PPP2R2B: variants seen among roughly 807,000 people sequenced by gnomAD.
The protein encoded by PPP2R2B is protein phosphatase 2 regulatory subunit Bbeta, also known as serine/threonine-protein phosphatase 2A 55 kDa regulatory subunit B beta isoform.
In PPP2R2B, 5 loss-of-function variants were observed where a neutral mutation model predicts 46.0. The ratio of observed to expected loss-of-function variants is 0.11; its 90% CI spans 0.06 to 0.23. The LOEUF (loss-of-function observed/expected upper bound fraction) is 0.23. PPP2R2B is among the 10% of genes least tolerant of loss of function. PPP2R2B has a pLI of 1.00. For missense variants in PPP2R2B, 367 were observed against 575.0 expected (o/e 0.64, Z 3.70); for synonymous variants, 215 against 206.7 (o/e 1.04, Z -0.34).
At chr5:146,790,794 G>A (rs1361888611) in intron 2 of PPP2R2B, among the ~76,000 whole-genome samples, 2 of 152,158 alleles carry the variant, frequency 1.3e-5, no homozygotes, top group Non-Finnish European at 1.5e-5. Context: ...ATTATATTAT[G>A]ATTGTCCACA....
At chr5:146,717,793 A>C (rs114372593) in intron 2 of PPP2R2B, among the ~76,000 whole-genome samples, 1,942 of 152,030 alleles carry the variant, frequency 0.013, 46 homozygotes, top group African/African-American at 0.045. Context: ...GGATCTCATA[A>C]ATTTCCTGCT....
intron 2 of PPP2R2B, among the ~76,000 whole-genome samples, chr5:146,785,250 C>A (rs1755763584): frequency 6.6e-6 from 1 of 151,964 alleles, no homozygotes; most frequent in African/African-American, 2.4e-5. Flanking sequence ...AGTGGGAAGT[C>A]AAGATAAAAT....
At position 146,983,176 on chromosome 5, in the gene PPP2R2B, ATTTTTTTT is replaced by A. The variant is rs745692719; in HGVS notation, c.79+72481_79+72488del. On this transcript the variant is annotated intron_variant, in intron 1 of 8. Transcript: ENST00000336640. ...GTTTATCTATCGTGTTTTCCAGAGC[ATTTTTTTT>A]TTTTTTTTTTTTTTGAGACGGAGTC... 4.9e-5 allele frequency among the ~76,000 whole-genome samples: 4 copies of A among 80,856 alleles called. No individual in the cohort carries two copies. In the Admixed American group the frequency reaches 8.0e-4, roughly 16 times the overall value. 53.0% of individuals were successfully genotyped at this position (80,856 alleles called of 152,430 possible). A position where few individuals can be genotyped will look rare whatever the true frequency, so the allele number is the denominator to read the frequency against.
intron 2 of PPP2R2B, among the ~76,000 whole-genome samples, chr5:147,067,352 T>C (rs570910324): frequency 1.0e-3 from 154 of 152,266 alleles, no homozygotes; most frequent in African/African-American, 3.6e-3. Flanking sequence ...ATCAGTCTAC[T>C]CTCTGGTTCT....
At chr5:146,624,748 C>T (rs927760110) in intron 7 of PPP2R2B, among the ~76,000 whole-genome samples, 8 of 152,214 alleles carry the variant, frequency 5.3e-5, no homozygotes, top group African/African-American at 1.9e-4. Flanking sequence ...GTCCTTTGCA[C>T]AGAAGACAAT....
chr5:146,687,721 G>C (rs1246052463), intron 5 of PPP2R2B, among the ~76,000 whole-genome samples: 2 of 152,158 alleles, frequency 1.3e-5, no homozygotes, highest in Non-Finnish European at 2.9e-5. Context: ...TTGGTAATGA[G>C]ATTGATTTTG....
chr5:146,871,395 G>T (rs1761608502), intron 2 of PPP2R2B, among the ~76,000 whole-genome samples: 1 of 152,238 alleles, frequency 6.6e-6, no homozygotes, highest in Non-Finnish European at 1.5e-5. Flanking sequence ...TCTGGGAGCT[G>T]CATGCTTACT....
intron 1 of PPP2R2B, among the ~76,000 whole-genome samples, chr5:146,908,862 C>T (rs537918241): frequency 1.9e-4 from 29 of 151,900 alleles, no homozygotes; most frequent in Admixed American, 9.2e-4. Flanking sequence ...AGTGCAGTGC[C>T]GTGATCACGG....
chr5:146,589,844 G>A lies in PPP2R2B; in HGVS notation c.*103C>T, dbSNP rs893199098. On this transcript the variant is annotated 3_prime_UTR_variant, in exon 10 of 10. Transcript: ENST00000394411. The stretch of plus-strand genomic sequence containing the variant: ...TTCTATTCCAATCATTTCCTGTATA[G>A]GGAAATTAAAGTCAATGCATCAAAT... 4.3e-6 allele frequency: 5 copies of A among 1,150,634 alleles called. No homozygotes were observed. The Admixed American group carries it at 9.9e-5, about 23-fold the overall frequency. 71.3% of individuals were successfully genotyped at this position (1,150,634 alleles called of 1,614,324 possible).
At chr5:146,963,947 C>A (rs1453366758) in intron 1 of PPP2R2B, among the ~76,000 whole-genome samples, 5 of 152,192 alleles carry the variant, frequency 3.3e-5, no homozygotes, top group Non-Finnish European at 7.3e-5. Context: ...AAGGTTCTTA[C>A]AAAGACAGCT....
chr5:147,014,471 G>C (rs1754898601), intron 1 of PPP2R2B, among the ~76,000 whole-genome samples: 1 of 151,960 alleles, frequency 6.6e-6, no homozygotes, highest in Non-Finnish European at 1.5e-5. Context: ...CAATAGCAAA[G>C]ACTTGGAACC....
intron 2 of PPP2R2B, among the ~76,000 whole-genome samples, chr5:146,787,005 A>T (rs950360333): frequency 6.6e-6 from 1 of 152,234 alleles, no homozygotes; most frequent in African/African-American, 2.4e-5. Context: ...TATTTTACAG[A>T]TAAAAAACTG....
At chr5:147,025,478 G>A (rs1035372468) in intron 1 of PPP2R2B, among the ~76,000 whole-genome samples, 4 of 151,538 alleles carry the variant, frequency 2.6e-5, no homozygotes, top group Middle Eastern at 3.4e-3. Flanking sequence ...AAAAAACCCC[G>A]AAATAGGAGA....
At chr5:147,020,647 G>A (rs1196954413) in intron 1 of PPP2R2B, among the ~76,000 whole-genome samples, 1 of 152,086 alleles carries the variant, frequency 6.6e-6, no homozygotes, top group Non-Finnish European at 1.5e-5. Context: ...TCTGCTTATA[G>A]GGTTTTGATA....
chr5:146,814,535 A>T (rs967096827), intron 2 of PPP2R2B, among the ~76,000 whole-genome samples: 13 of 152,374 alleles, frequency 8.5e-5, no homozygotes, highest in South Asian at 6.2e-4. Flanking sequence ...AGACAGAAAC[A>T]TCTGAAACTG....
intron 5 of PPP2R2B, among the ~76,000 whole-genome samples, chr5:146,665,443 C>G (rs1006736606): frequency 6.6e-6 from 1 of 152,216 alleles, no homozygotes; most frequent in Non-Finnish European, 1.5e-5. Context: ...GCAGCTTCCT[C>G]CCCTCTGTCA....
At chr5:146,668,293 G>A (rs775737087) in intron 5 of PPP2R2B, among the ~76,000 whole-genome samples, 3 of 152,200 alleles carry the variant, frequency 2.0e-5, no homozygotes, top group Non-Finnish European at 2.9e-5. Flanking sequence ...TTCTAACAGT[G>A]TCTTGTATAA....
rs1411803677 is a variant in PPP2R2B, at chr5:146,691,179, C to T, written c.396G>A (p.Leu132=). ...CCCGGAGCCGGCCCTCCTCATCTTT[C>T]AGATTGTAGCCTTCTGGCCTCTTAT... ...ERDKRPEGYN[L]KDEEGRLRDP... The change falls in exon 5 of 10, where the codon CTG becomes CTA. Residue 132 remains leucine (L), a synonymous_variant. Coordinates refer to ENST00000394411, the MANE Select transcript of PPP2R2B (RefSeq NM_181675.4). 6.2e-7 allele frequency: 1 copy of T among 1,614,174 alleles called. No individual in the cohort carries two copies. Among genetic ancestry groups the T allele is most frequent in the Non-Finnish European group, 8.5e-7 (1 of 1,180,030 alleles).
chr5:146,680,599 C>T (rs1778103934), intron 5 of PPP2R2B, among the ~76,000 whole-genome samples: 1 of 151,732 alleles, frequency 6.6e-6, no homozygotes, highest in Non-Finnish European at 1.5e-5. Flanking sequence ...AAAAAGTTCC[C>T]AGAAATCCTG....
Sources: allele counts gnomAD v4.1 joint callset (sites outside exome capture counted in the v4.1 genomes callset), GRCh38; gene constraint gnomAD v4.1.1; transcripts MANE v1.5; gene names NCBI Gene and HGNC (gene_info 2026-07-23, HGNC 2026-07-21).